TNS2: variants seen among roughly 807,000 people sequenced by gnomAD.
TNS2 encodes tensin-2.
Under a neutral mutation model 155.7 loss-of-function variants are expected in TNS2, and 77 were observed. That is an observed-to-expected ratio of 0.49 (90% CI 0.41 to 0.60). The LOEUF (loss-of-function observed/expected upper bound fraction) is 0.60, where lower values mean the gene tolerates loss of function less well. Among genes scored for constraint, TNS2 ranks in the 20% least tolerant of loss-of-function variants. The probability of loss-of-function intolerance (pLI) is 0.00; values close to 1 mark genes in which losing one functional copy is unlikely to be tolerated. For missense variants in TNS2, 1,703 were observed against 1,868.8 expected (o/e 0.91, Z 1.64); for synonymous variants, 726 against 763.9 (o/e 0.95, Z 0.82).
Position 53,050,250 on chromosome 12 carries a change from C to T in TNS2, c.65C>T (p.Ala22Val). The change falls in exon 1 of 29, where the codon GCC becomes GTC. Residue 22 changes from alanine (A) to valine (V), a missense_variant. Coordinates refer to ENST00000314250, the MANE Select transcript of TNS2 (RefSeq NM_170754.4). The surrounding 1 kb of genome is among the most constrained non-coding windows in gnomAD (Gnocchi z 4.7). ...CTGGGGAGGAGGGACAGCAGCCGGG[C>T]CGCAAGCAGGGTAGGAGTGCCCACC... Reference protein sequence around the residue: ...RALGRRDSSRAASRPRKAEPH... With the variant: ...RALGRRDSSRVASRPRKAEPH... 6.2e-7 allele frequency: 1 copy of T among 1,607,750 alleles called. No homozygotes were observed. The highest frequency in any genetic ancestry group is 8.5e-7 in the Non-Finnish European group (1 of 1,178,068).
At chr12:53,055,468 G>A (rs2121104039) in intron 8 of TNS2, 100 bp from the exon 9 acceptor site, 1 of 1,437,500 alleles carries the variant, frequency 7.0e-7, no homozygotes, top group East Asian at 2.3e-5. Context: ...CAGACCCCCA[G>A]CCTTGCCCCC....
chr12:53,054,670 C>A (rs976154721), intron 7 of TNS2, among the ~76,000 whole-genome samples: 6 of 151,906 alleles, frequency 3.9e-5, no homozygotes, highest in Non-Finnish European at 5.9e-5. Context: ...TTTTTATTTT[C>A]TTTATTTATT....
chr12:53,058,880 G>T (rs767211690), intron 17 of TNS2, 53 bp downstream of exon 17: 8 of 1,592,008 alleles, frequency 5.0e-6, no homozygotes, highest in Non-Finnish European at 6.8e-6. Context: ...GGGACCCTGG[G>T]GGGTGGTGCC....
At position 53,050,232 on chromosome 12, in the gene TNS2, G is replaced by A. The variant is rs1943879681; in HGVS notation, c.47G>A (p.Arg16Lys). Residue 16 changes from arginine (R) to lysine (K), a missense_variant, in exon 1 of 29, where the codon AGG (arginine) becomes AAG (lysine). Coordinates refer to ENST00000314250, the MANE Select transcript of TNS2 (RefSeq NM_170754.4). The surrounding 1 kb of genome is among the most constrained non-coding windows in gnomAD (Gnocchi z 4.7). The stretch of plus-strand genomic sequence containing the variant: ...GAGAGGCTGCTCAGAGCCCTGGGGA[G>A]GAGGGACAGCAGCCGGGCCGCAAGC... Reference protein sequence around the residue: ...PVERLLRALGRRDSSRAASRP... With the variant: ...PVERLLRALGKRDSSRAASRP... The A allele has an allele frequency of 1.9e-6, 3 of 1,610,370 alleles. No individual in the cohort carries two copies. The highest frequency in any genetic ancestry group is 1.7e-4 in the Middle Eastern group (1 of 5,890).
intron 25 of TNS2, 127 bp downstream of exon 25, chr12:53,062,824 C>T (rs903930894): frequency 8.4e-7 from 1 of 1,184,634 alleles, no homozygotes; most frequent in Non-Finnish European, 1.2e-6. Flanking sequence ...GGCAGGGGAG[C>T]CCCATACTGT....
At position 53,060,106 on chromosome 12, in the gene TNS2, G is replaced by C. The variant is rs1379494534; in HGVS notation, c.2465G>C (p.Gly822Ala). 1.9e-6 allele frequency: 3 copies of C among 1,611,112 alleles called. No homozygotes were observed. The highest frequency in any genetic ancestry group is 1.7e-6 in the Non-Finnish European group (2 of 1,178,546). The change falls in exon 18 of 29, where the codon GGT (glycine) becomes GCT (alanine). Residue 822 changes from glycine (G) to alanine (A), a missense_variant. By Grantham distance (60) the Gly-to-Ala change is moderately conservative. Transcript: ENST00000314250. This position sits in a 1 kb window ranked among gnomAD's most constrained non-coding sequence, Gnocchi z 6.1. ...GAGGGCAGAGGGTATCCCAGCCCTGGTGCCCACTCCCCACGGGCTGGCTCC... is the reference window on the plus strand; with the variant it reads ...GAGGGCAGAGGGTATCCCAGCCCTGCTGCCCACTCCCCACGGGCTGGCTCC... ...PGEGRGYPSP[G>A]AHSPRAGSIS... is the part of the protein sequence containing the mutation.
chr12:53,052,162 C>T, intron 2 of TNS2, 199 bp downstream of exon 2: 1 of 608,098 alleles, frequency 1.6e-6, no homozygotes. Flanking sequence ...CCCAGGAGAG[C>T]CAGTACTCTC....
chr12:53,062,478 C>G (rs745339729), intron 24 of TNS2, 25 bp downstream of exon 24: 17 of 1,612,636 alleles, frequency 1.1e-5, no homozygotes, highest in Non-Finnish European at 1.4e-5. Flanking sequence ...ATCTGTCCTC[C>G]CCACCTCTCC....
In TNS2 at chr12:53,059,197, T is replaced by G. The variant is rs1286496032; in HGVS notation, c.1556T>G (p.Leu519Arg). Residue 519 changes from leucine (L) to arginine (R), a missense_variant, in exon 18 of 29, where the codon CTG becomes CGG. By Grantham distance (102) the Leu-to-Arg change is moderately radical. Coordinates refer to ENST00000314250, the MANE Select transcript of TNS2 (RefSeq NM_170754.4). The surrounding 1 kb of genome is among the most constrained non-coding windows in gnomAD (Gnocchi z 4.7). ...AGCGACTCAGGCCATTCCTCCACGC[T>G]GACCACAGAGCCGGCTGCTGAGTCC... Reference protein sequence around the residue: ...VSSDSGHSSTLTTEPAAESPG... With the variant: ...VSSDSGHSSTRTTEPAAESPG... 6.3e-7 allele frequency: 1 copy of G among 1,595,238 alleles called. No individual in the cohort carries two copies. The highest frequency in any genetic ancestry group is 8.5e-7 in the Non-Finnish European group (1 of 1,175,596).
At chr12:53,049,219 AAGG>A, upstream of TNS2, 2 of 1,605,482 alleles carry the variant, frequency 1.2e-6, no homozygotes, top group Non-Finnish European at 1.7e-6. Context: ...GCTGCTGAGG[AAGG>A]AGAGCAGACC....
Position 53,062,449 on chromosome 12 carries a change from C to A in TNS2, c.3741C>A (p.Ser1247Arg). 1 of 1,613,798 alleles carries A rather than the reference C, an allele frequency of 6.2e-7. No homozygotes were observed. The change falls in exon 24 of 29, where the codon AGC becomes AGA. Residue 1247 changes from serine to arginine, a missense_variant. Ser to Arg is a moderately radical substitution (Grantham distance 110). Transcript: ENST00000314250. The part of the protein sequence containing the change: ...ISLPCCLRIP[S>R]KDPLEETPEA... ...TGCCCTGCTGCCTGCGCATTCCCAG[C>A]AAAGGTGAGTGTCTGGTCATCTGTC... is the stretch of plus-strand genomic sequence containing the variant.
rs1944240171 is a variant in TNS2 at position 53,058,421 on chromosome 12, G to A, written c.1201G>A (p.Asp401Asn). 2 of 1,614,144 alleles carry A rather than the reference G, an allele frequency of 1.2e-6. No individual in the cohort carries two copies. Among genetic ancestry groups the A allele is most frequent in the Non-Finnish European group, 8.5e-7 (1 of 1,180,016 alleles). Residue 401 changes from aspartate to asparagine, a missense_variant, in exon 15 of 29, where the codon GAC (aspartate) becomes AAC (asparagine). Coordinates refer to ENST00000314250, the MANE Select transcript of TNS2 (RefSeq NM_170754.4). Reference sequence around the variant, plus strand: ...CGGACCACAGCTCACTTTCCCCAAGGACCAGCTTGACGAGGCCTGGACTGG... The same window carrying A: ...CGGACCACAGCTCACTTTCCCCAAGAACCAGCTTGACGAGGCCTGGACTGG... The part of the protein sequence containing the change: ...IHGPQLTFPK[D>N]QLDEAWTDER...
At position 53,063,733 on chromosome 12, in the gene TNS2, T is replaced by C. The variant is rs768542012; in HGVS notation, c.4092-11T>C. ...AATGTTAAGCCCCTTCCCCACCCTT[T>C]ATCCCCCTAGGATCTTTGGTTTCGT... On this transcript the variant is annotated splice_polypyrimidine_tract_variant and intron_variant, in intron 28 of 28. Transcript: ENST00000314250. This position sits in a 1 kb window ranked among gnomAD's most constrained non-coding sequence, Gnocchi z 5.6. 6.2e-7 allele frequency: 1 copy of C among 1,613,924 alleles called. No homozygotes were observed. The highest frequency in any genetic ancestry group is 8.5e-7 in the Non-Finnish European group (1 of 1,179,864).
upstream of TNS2, chr12:53,049,940 C>T: frequency 1.0e-6 from 1 of 988,112 alleles, no homozygotes; most frequent in Middle Eastern, 3.5e-4. Context: ...CAGGGTAGAT[C>T]CTGGGAATCT....
In TNS2 at chr12:53,055,572, A is replaced by T. The variant is rs1466867722; in HGVS notation, c.578A>T (p.Gln193Leu). 1 of 1,602,724 alleles carries T rather than the reference A, an allele frequency of 6.2e-7. No homozygotes were observed. The highest frequency in any genetic ancestry group is 1.7e-5 in the Admixed American group (1 of 59,516). The stretch of plus-strand genomic sequence containing the variant: ...GCACCCCTGCATTCTCCCCAGGTTC[A>T]AGACTTCGGCTGGCCTGAGCTGCAT... The part of the protein sequence containing the change: ...HDLTRLNPKV[Q>L]DFGWPELHAP... The change falls in exon 9 of 29, where the codon CAA becomes CTA. Residue 193 changes from glutamine to leucine, a missense_variant. Physicochemically the swap from Gln to Leu is moderately radical, Grantham distance 113. Transcript: ENST00000314250.
In TNS2 at chr12:53,059,096, G is replaced by C. The variant is rs540303515; in HGVS notation, c.1455G>C (p.Gln485His). Residue 485 changes from glutamine to histidine, a missense_variant, in exon 18 of 29, where the codon CAG becomes CAC. Coordinates refer to ENST00000314250, the MANE Select transcript of TNS2 (RefSeq NM_170754.4). The surrounding 1 kb of genome is among the most constrained non-coding windows in gnomAD (Gnocchi z 4.7). ...RGPLDGSPYA[Q>H]VQRPPRQTPP... is the part of the protein sequence containing the mutation. The stretch of plus-strand genomic sequence containing the variant: ...CCCTGGATGGCAGTCCTTATGCCCA[G>C]GTGCAGCGGCCTCCCCGGCAGACCC... The C allele has an allele frequency of 9.6e-5, 148 of 1,548,170 alleles. 3 individuals carry two copies. In the South Asian group the frequency reaches 1.8e-3, roughly 19 times the overall value.
At chr12:53,050,037 C>T, upstream of TNS2, 1 of 1,467,548 alleles carries the variant, frequency 6.8e-7, no homozygotes. This position sits in a 1 kb window ranked among gnomAD's most constrained non-coding sequence, Gnocchi z 4.7. Context: ...CCTCCACTTC[C>T]AGGGCCGGGC....
Position 53,050,130 on chromosome 12 carries a change from G to C in TNS2, c.-56G>C. 6.3e-7 allele frequency: 1 copy of C among 1,586,196 alleles called. No individual in the cohort carries two copies. The highest frequency in any genetic ancestry group is 8.6e-7 in the Non-Finnish European group (1 of 1,168,522). On this transcript the variant is annotated 5_prime_UTR_variant, in exon 1 of 29. Transcript: ENST00000314250. The surrounding 1 kb of genome is among the most constrained non-coding windows in gnomAD (Gnocchi z 4.7). ...CCAGGCCGCTTCCAGGAAGCCCCGG[G>C]CCAGGCCCCAGCATTGTTCAGGCCC...
upstream of TNS2, among the ~76,000 whole-genome samples, chr12:53,047,979 G>A (rs1165669907): frequency 6.6e-6 from 1 of 152,200 alleles, no homozygotes; most frequent in African/African-American, 2.4e-5. Flanking sequence ...TGTGGGTGGA[G>A]GGGTTTCTCC....
Sources: gnomAD v4.1 joint callset for allele counts (sites outside exome capture counted in the v4.1 genomes callset) on GRCh38, gnomAD v4.1.1 for gene constraint, Gnocchi (gnomAD v3.1) non-coding constraint, MANE v1.5 for transcripts, NCBI Gene and HGNC (gene_info 2026-07-23, HGNC 2026-07-21) for gene names.